BEST4: variants seen among roughly 807,000 people sequenced by gnomAD.
The protein encoded by BEST4 is bestrophin-4.
Under a neutral mutation model 47.1 loss-of-function variants are expected in BEST4, and 36 were observed. That is an observed-to-expected ratio of 0.76 (90% CI 0.59 to 1.01). The LOEUF (loss-of-function observed/expected upper bound fraction) is 1.01, where lower values mean the gene tolerates loss of function less well. BEST4 is among the 50% of genes least tolerant of loss of function. The probability of loss-of-function intolerance (pLI) is 0.00; values close to 1 mark genes in which losing one functional copy is unlikely to be tolerated. For synonymous variants in BEST4, 250 were observed against 277.8 expected (o/e 0.90, Z 1.00); for missense variants, 550 against 648.6 (o/e 0.85, Z 1.65).
In BEST4 at chr1:44,785,095, C is replaced by G; in HGVS notation, c.912+13G>C. ...CCACAGAGCAGGCTGGCATGCCCAT[C>G]TGCAGTGCCCACCTTGAGCCAGCCA... is the stretch of plus-strand genomic sequence containing the variant. On this transcript the variant is annotated intron_variant, in intron 6 of 8. Transcript: ENST00000372207. 2 of 1,611,928 alleles carry G rather than the reference C, an allele frequency of 1.2e-6. No individual in the cohort carries two copies. The highest frequency in any genetic ancestry group is 1.7e-6 in the Non-Finnish European group (2 of 1,178,772).
At chr1:44,783,006 G>A (rs2148845630), downstream of BEST4, among the ~76,000 whole-genome samples, 1 of 151,778 alleles carries the variant, frequency 6.6e-6, no homozygotes, top group African/African-American at 2.4e-5. Context: ...GAGAGCTAGA[G>A]TGCAGTAGAG....
downstream of BEST4, among the ~76,000 whole-genome samples, chr1:44,783,204 C>T (rs898892404): frequency 6.6e-6 from 1 of 152,208 alleles, no homozygotes. Context: ...ATCTGCCCAC[C>T]TTGGCCTCCC....
chr1:44,786,431 G>A lies in BEST4; in HGVS notation c.481+32C>T. On this transcript the variant is annotated intron_variant, in intron 3 of 8. Coordinates refer to ENST00000372207, the MANE Select transcript of BEST4 (RefSeq NM_153274.3). The surrounding 1 kb of genome is among the most constrained non-coding windows in gnomAD (Gnocchi z 4.9). ...CGCCACCTGCATCCGGCTGTGGGCC[G>A]GACCCCCAGAGGCTCCCGGCGGGCG... 3.4e-6 allele frequency: 5 copies of A among 1,480,486 alleles called. No homozygotes were observed. The highest frequency in any genetic ancestry group is 3.6e-6 in the Non-Finnish European group (4 of 1,113,944). The allele number at this position is 1,480,486 out of a possible 1,614,324, so 91.7% of individuals were successfully genotyped here.
chr1:44,787,493 T>C, intron 1 of BEST4, 27 bp from the exon 2 acceptor site: 1 of 1,614,034 alleles, frequency 6.2e-7, no homozygotes, highest in East Asian at 2.2e-5. Context: ...TAGGCTTGGG[T>C]TAGAGGGAGG....
chr1:44,790,883 C>T (rs899069955), upstream of BEST4, among the ~76,000 whole-genome samples: 7 of 152,076 alleles, frequency 4.6e-5, no homozygotes, highest in Non-Finnish European at 8.8e-5. Flanking sequence ...TGCACTCCAG[C>T]TTGGGTGACA....
At position 44,786,229 on chromosome 1, in the gene BEST4, C is replaced by T. The variant is rs868534965; in HGVS notation, c.482-1G>A. The T allele has an allele frequency of 6.2e-7, 1 of 1,611,604 alleles. No individual in the cohort carries two copies. The highest frequency in any genetic ancestry group is 2.2e-5 in the East Asian group (1 of 44,842). On this transcript the variant is annotated splice_acceptor_variant, in intron 3 of 8. Coordinates refer to ENST00000372207, the MANE Select transcript of BEST4 (RefSeq NM_153274.3). LOFTEE classifies it high-confidence loss of function. The surrounding 1 kb of genome is among the most constrained non-coding windows in gnomAD (Gnocchi z 4.9). ...TTCCTCTCTTCCTGGGACATGAAAC[C>T]TGAGGGGGTAAAGCAGGTGGGGTGC...
At position 44,787,835 on chromosome 1, in the gene BEST4, G is replaced by A. The variant is rs1010948956; in HGVS notation, c.-130C>T. 10 of 1,124,302 alleles carry A rather than the reference G, an allele frequency of 8.9e-6. No individual in the cohort carries two copies. The highest frequency in any genetic ancestry group is 8.9e-6 in the Non-Finnish European group (7 of 790,672). The allele number at this position is 1,124,302 out of a possible 1,614,324, so 69.6% of individuals were successfully genotyped here. The stretch of plus-strand genomic sequence containing the variant: ...TCACCCTGCGTCAGTGGACAAGGGG[G>A]TAGGAGCCTGCAGAGCAGAAAAGTA... On this transcript the variant is annotated 5_prime_UTR_variant, in exon 1 of 9. Transcript: ENST00000372207.
upstream of BEST4, among the ~76,000 whole-genome samples, chr1:44,789,437 G>A (rs565511882): frequency 3.5e-4 from 49 of 141,392 alleles, no homozygotes; most frequent in Non-Finnish European, 6.4e-4. Flanking sequence ...TGTGACTCAC[G>A]CCTGTAATCC....
At chr1:44,791,204 C>CAGAGAG (rs35806425), upstream of BEST4, among the ~76,000 whole-genome samples, 40 of 147,946 alleles carry the variant, frequency 2.7e-4, no homozygotes, top group Admixed American at 1.2e-3. Flanking sequence ...GAACAGGACT[C>CAGAGAG]AGAGAGAGAG....
chr1:44,785,803 G>A (rs1651198092), intron 4 of BEST4, 127 bp from the exon 5 acceptor site: 1 of 885,134 alleles, frequency 1.1e-6, no homozygotes, highest in Admixed American at 2.7e-5. Flanking sequence ...TATTAAGATG[G>A]GGTGCTTGAA....
At position 44,784,210 on chromosome 1, in the gene BEST4, T is replaced by A; in HGVS notation, c.1422A>T (p.Ter474CysextTer41). 7.0e-7 allele frequency: 1 copy of A among 1,432,738 alleles called. No individual in the cohort carries two copies. Among genetic ancestry groups the A allele is most frequent in the East Asian group, 3.0e-5 (1 of 33,464 alleles). The allele number at this position is 1,432,738 out of a possible 1,614,324, so 88.8% of individuals were successfully genotyped here. ...AESGDEALEP[*>C] is the part of the protein sequence containing the mutation. Reference sequence around the variant, plus strand: ...AAACCGGGCGGGGGCAGGCGAGACCTCAGGGCTCCAGGGCCTCGTCCCCGG... The same window carrying A: ...AAACCGGGCGGGGGCAGGCGAGACCACAGGGCTCCAGGGCCTCGTCCCCGG... Residue 474 changes from the stop codon to cysteine (C), a stop_lost, in exon 9 of 9, where the codon TGA becomes TGT. Coordinates refer to ENST00000372207, the MANE Select transcript of BEST4 (RefSeq NM_153274.3). The surrounding 1 kb of genome is among the most constrained non-coding windows in gnomAD (Gnocchi z 6.2).
upstream of BEST4, among the ~76,000 whole-genome samples, chr1:44,789,325 G>A (rs1651349186): frequency 6.6e-6 from 1 of 150,786 alleles, no homozygotes; most frequent in South Asian, 2.1e-4. Flanking sequence ...GCTTGAACCC[G>A]GGAGGGAGAG....
chr1:44,788,016 G>T lies in BEST4; in HGVS notation c.-311C>A, dbSNP rs1651310345. ...GATAACCAGATCCTGAACTGCTGCG[G>T]ACAAGAGACGCAGCTCCAGCCCAAA... On this transcript the variant is annotated 5_prime_UTR_variant, in exon 1 of 9. Transcript: ENST00000372207. 6.6e-6 allele frequency among the ~76,000 whole-genome samples: 1 copy of T among 152,208 alleles called. No individual in the cohort carries two copies. Among genetic ancestry groups the T allele is most frequent in the Non-Finnish European group, 1.5e-5 (1 of 68,036 alleles).
At chr1:44,785,957 C>A (rs1050717119) in intron 4 of BEST4, 117 bp downstream of exon 4, 5 of 1,317,738 alleles carry the variant, frequency 3.8e-6, no homozygotes, top group Non-Finnish European at 5.2e-6. Flanking sequence ...GGGTACAGGG[C>A]TTCCAAAAGG....
downstream of BEST4, among the ~76,000 whole-genome samples, chr1:44,782,579 G>A (rs895587124): frequency 7.2e-5 from 11 of 152,030 alleles, no homozygotes; most frequent in Non-Finnish European, 1.5e-4. Flanking sequence ...GCAGTGAGCC[G>A]AGATCAGGCC....
chr1:44,785,195 C>T lies in BEST4; in HGVS notation c.825G>A (p.Gln275=). The change falls in exon 6 of 9, where the codon CAG becomes CAA. Residue 275 remains glutamine, a synonymous_variant. Transcript: ENST00000372207. ...GGTCTCCCAGGGCTGGGGCTGGCTC[C>T]TGGCCTGGCTTCAGAAGCTTCTGAG... ...AKPQKLLKPG[Q]EPAPALGDPD... is the part of the protein sequence containing the mutation. 1 of 1,613,980 alleles carries T rather than the reference C, an allele frequency of 6.2e-7. No homozygotes were observed. The highest frequency in any genetic ancestry group is 1.1e-5 in the South Asian group (1 of 91,058).
At chr1:44,783,201 C>T (rs1427410270), downstream of BEST4, among the ~76,000 whole-genome samples, 2 of 152,176 alleles carry the variant, frequency 1.3e-5, no homozygotes, top group Non-Finnish European at 2.9e-5. Context: ...GGGATCTGCC[C>T]ACCTTGGCCT....
Position 44,786,803 on chromosome 1 carries a change from G to T in BEST4, c.248-107C>A. The T allele has an allele frequency of 1.2e-6, 1 of 833,438 alleles. No homozygotes were observed. The highest frequency in any genetic ancestry group is 1.8e-6 in the Non-Finnish European group (1 of 541,258). The allele number at this position is 833,438 out of a possible 1,614,324, so 51.6% of individuals were successfully genotyped here. Reference sequence around the variant, plus strand: ...GGGCCTGGTCCAGGCCAGTTGAATCGTGGCAGGGGGAAGGAAACATTCAGC... The same window carrying T: ...GGGCCTGGTCCAGGCCAGTTGAATCTTGGCAGGGGGAAGGAAACATTCAGC... On this transcript the variant is annotated intron_variant, in intron 2 of 8. Coordinates refer to ENST00000372207, the MANE Select transcript of BEST4 (RefSeq NM_153274.3). This position sits in a 1 kb window ranked among gnomAD's most constrained non-coding sequence, Gnocchi z 4.9.
upstream of BEST4, among the ~76,000 whole-genome samples, chr1:44,788,917 T>C (rs1651332533): frequency 1.3e-5 from 2 of 152,254 alleles, no homozygotes; most frequent in South Asian, 4.1e-4. Flanking sequence ...GAGTGGCCAC[T>C]TTCACCTCTG....
Sources: allele counts gnomAD v4.1 joint callset (sites outside exome capture counted in the v4.1 genomes callset), GRCh38; gene constraint gnomAD v4.1.1; non-coding constraint Gnocchi (gnomAD v3.1); transcripts MANE v1.5; gene names NCBI Gene and HGNC (gene_info 2026-07-23, HGNC 2026-07-21).